CCDC141: variants seen among roughly 807,000 people sequenced by gnomAD.
CCDC141 encodes coiled-coil domain containing 141, also known as coiled-coil domain-containing protein 141.
In CCDC141, 168 loss-of-function variants were observed where a neutral mutation model predicts 181.0. That is an observed-to-expected ratio of 0.93 (90% CI 0.82 to 1.05). The LOEUF is 1.05. Among genes scored for constraint, CCDC141 ranks in the 50% least tolerant of loss-of-function variants. CCDC141 has a pLI of 0.00. For missense variants in CCDC141, 1,902 were observed against 1,788.5 expected, an observed-to-expected ratio of 1.06 and a Z score of -1.14; for synonymous variants, 666 against 642.3, an observed-to-expected ratio of 1.04 and a Z score of -0.56.
intron 2 of CCDC141, among the ~76,000 whole-genome samples, chr2:179,012,567 T>C (rs989275045): frequency 6.6e-6 from 1 of 152,086 alleles, no homozygotes; most frequent in African/African-American, 2.4e-5. Flanking sequence ...CCAATCCTTT[T>C]GACACTATTC....
At chr2:178,934,111 A>C (rs959037446) in intron 6 of CCDC141, among the ~76,000 whole-genome samples, 3 of 151,316 alleles carry the variant, frequency 2.0e-5, no homozygotes, top group African/African-American at 7.3e-5. Flanking sequence ...TTTTTTCAAC[A>C]CCCCCCAGGT....
intron 2 of CCDC141, among the ~76,000 whole-genome samples, chr2:179,029,055 T>A (rs1373511848): frequency 1.3e-5 from 2 of 152,108 alleles, no homozygotes. Context: ...CTGACAGAGA[T>A]CTTCATGTGC....
intron 19 of CCDC141, among the ~76,000 whole-genome samples, chr2:178,854,903 TAAAAG>T (rs566637359): frequency 1.5e-3 from 236 of 152,298 alleles, no homozygotes; most frequent in African/African-American, 5.3e-3. Context: ...TTGACAGTAA[TAAAAG>T]AAAACACCAA....
intron 6 of CCDC141, among the ~76,000 whole-genome samples, chr2:178,937,316 A>G (rs1167007749): frequency 6.6e-6 from 1 of 152,082 alleles, no homozygotes; most frequent in Non-Finnish European, 1.5e-5. Flanking sequence ...GCTTAATTTT[A>G]TTGAAAGCCT....
chr2:179,015,538 GA>G (rs2042476463), intron 2 of CCDC141, among the ~76,000 whole-genome samples: 3 of 75,438 alleles, frequency 4.0e-5, no homozygotes, highest in African/African-American at 1.3e-4. Context: ...TCATATATAT[GA>G]TATATATATC....
At chr2:178,982,403 A>G (rs531354485) in intron 2 of CCDC141, among the ~76,000 whole-genome samples, 1 of 152,340 alleles carries the variant, frequency 6.6e-6, no homozygotes, top group South Asian at 2.1e-4. Context: ...CAAGGAGGTG[A>G]AAGACTTGTA....
At chr2:178,838,215 A>G (rs1240493461) in intron 22 of CCDC141, among the ~76,000 whole-genome samples, 1 of 152,214 alleles carries the variant, frequency 6.6e-6, no homozygotes, top group Non-Finnish European at 1.5e-5. Context: ...TCTCAAGAAA[A>G]CCATTTCTTT....
At chr2:178,898,673 T>C (rs2154372078) in intron 8 of CCDC141, among the ~76,000 whole-genome samples, 1 of 152,326 alleles carries the variant, frequency 6.6e-6, no homozygotes, top group South Asian at 2.1e-4. Flanking sequence ...TTCAAATGTA[T>C]TTGATTCCAT....
chr2:178,989,820 C>A (rs1175273713), intron 2 of CCDC141, among the ~76,000 whole-genome samples: 1 of 123,556 alleles, frequency 8.1e-6, no homozygotes, highest in Non-Finnish European at 1.6e-5. Flanking sequence ...ACTAGGATAG[C>A]TATAATCTTA....
intron 8 of CCDC141, among the ~76,000 whole-genome samples, chr2:178,901,367 G>A (rs1201078595): frequency 5.3e-5 from 8 of 151,996 alleles, no homozygotes. Flanking sequence ...ATAAAATACT[G>A]GCAAACCGAA....
At chr2:178,917,058 G>T (rs1327509862) in intron 7 of CCDC141, among the ~76,000 whole-genome samples, 2 of 152,148 alleles carry the variant, frequency 1.3e-5, no homozygotes, top group East Asian at 3.9e-4. Context: ...AAGAGAATGG[G>T]AATGAAAGAG....
At chr2:179,044,063 C>CA (rs2043402030) in intron 2 of CCDC141, among the ~76,000 whole-genome samples, 1 of 152,050 alleles carries the variant, frequency 6.6e-6, no homozygotes. Flanking sequence ...ACAATTGCCA[C>CA]AAAAAGAATA....
Position 178,871,429 on chromosome 2 carries a change from G to C in CCDC141, c.2203C>G (p.Gln735Glu). The change falls in exon 14 of 24, where the codon CAG becomes GAG. Residue 735 changes from glutamine to glutamate, a missense_variant and splice_region_variant. Physicochemically the swap from Gln to Glu is conservative, Grantham distance 29. Transcript: ENST00000443758. ...AATCCAGCAATATATTTCTTCACCT[G>C]GAACTGAGGCTTCATGTCATTCCAT... ...QKWNDMKPQF[Q>E]QLNDEVQYIM... 6.2e-7 allele frequency: 1 copy of C among 1,612,418 alleles called. No homozygotes were observed. Among genetic ancestry groups the C allele is most frequent in the Non-Finnish European group, 8.5e-7 (1 of 1,179,318 alleles).
chr2:178,969,104 CAAAAAAAAAAAAAAAAAAA>C (rs55999054), intron 4 of CCDC141, among the ~76,000 whole-genome samples: 1 of 51,172 alleles, frequency 2.0e-5, no homozygotes, highest in Non-Finnish European at 3.5e-5. Flanking sequence ...GCTTACCAAC[CAAAAAAAAAAAAAAAAAAA>C]AAAAAAAGCC....
intron 17 of CCDC141, among the ~76,000 whole-genome samples, chr2:178,857,704 G>T (rs1685446387): frequency 6.6e-6 from 1 of 152,114 alleles, no homozygotes; most frequent in African/African-American, 2.4e-5. Flanking sequence ...TTATATGGAG[G>T]CATTTAACAG....
intron 8 of CCDC141, among the ~76,000 whole-genome samples, chr2:178,899,158 T>G (rs1558964816): frequency 1.3e-5 from 2 of 152,314 alleles, no homozygotes; most frequent in South Asian, 4.1e-4. Context: ...TGTGTTTCAT[T>G]TGCCTATAAT....
chr2:179,025,605 T>A (rs1331345072), intron 2 of CCDC141, among the ~76,000 whole-genome samples: 1 of 152,222 alleles, frequency 6.6e-6, no homozygotes, highest in Non-Finnish European at 1.5e-5. Context: ...TATGTCTTTA[T>A]CAGCAGTGTG....
chr2:178,847,405 C>A (rs1403401344), intron 21 of CCDC141, among the ~76,000 whole-genome samples: 1 of 152,078 alleles, frequency 6.6e-6, no homozygotes, highest in African/African-American at 2.4e-5. Context: ...GTGGTGCATG[C>A]CTGTGGTCCC....
At chr2:178,925,231 T>C (rs142592128) in intron 6 of CCDC141, among the ~76,000 whole-genome samples, 31 of 152,348 alleles carry the variant, frequency 2.0e-4, no homozygotes, top group African/African-American at 7.5e-4. Context: ...ATTTAGATAT[T>C]TTAGTGTTAG....
Sources: allele counts gnomAD v4.1 joint callset (sites outside exome capture counted in the v4.1 genomes callset), GRCh38; gene constraint gnomAD v4.1.1; transcripts MANE v1.5; gene names NCBI Gene and HGNC (gene_info 2026-07-23, HGNC 2026-07-21).